The following GULP1 variants were observed in gnomAD, a reference collection of about 807,000 sequenced individuals.
GULP1 encodes the protein GULP PTB domain containing engulfment adaptor 1.
Under a neutral mutation model 40.9 loss-of-function variants are expected in GULP1, and 19 were observed. The observed-to-expected ratio is 0.46, with a 90% confidence interval of 0.32 to 0.68. GULP1 has a LOEUF of 0.68. Ranked by LOEUF, GULP1 falls within the 30% of genes least tolerant of loss-of-function variation. GULP1 has a pLI of 0.03. For synonymous variants in GULP1, 119 were observed against 117.6 expected (o/e 1.01, Z -0.08); for missense variants, 312 against 362.2 (o/e 0.86, Z 1.12).
intron 4 of GULP1, among the ~76,000 whole-genome samples, chr2:188,489,138 T>C (rs2062121265): frequency 6.6e-6 from 1 of 152,046 alleles, no homozygotes; most frequent in African/African-American, 2.4e-5. Flanking sequence ...AAATGACATC[T>C]ATTAGTGTGT....
chr2:188,591,009 T>G (rs1169766434), intron 11 of GULP1: 4 of 151,916 alleles, frequency 2.6e-5, no homozygotes, highest in Non-Finnish European at 5.9e-5. Context: ...AAAAGAAAAA[T>G]ACGGACATAT....
intron 4 of GULP1, among the ~76,000 whole-genome samples, chr2:188,496,547 G>T (rs913018779): frequency 6.6e-6 from 1 of 151,884 alleles, no homozygotes. Context: ...GAAGAAACAT[G>T]TCAATAAAAA....
chr2:188,352,811 T>A (rs1057086166), intron 1 of GULP1, among the ~76,000 whole-genome samples: 1 of 152,136 alleles, frequency 6.6e-6, no homozygotes, highest in Admixed American at 6.5e-5. Flanking sequence ...AGTATATAAA[T>A]GCCAAAATTC....
chr2:188,508,838 A>G (rs1213225664), intron 4 of GULP1, among the ~76,000 whole-genome samples: 1 of 152,032 alleles, frequency 6.6e-6, no homozygotes, highest in Non-Finnish European at 1.5e-5. Context: ...TTTGGAAGCA[A>G]ATATTTATTG....
At chr2:188,312,395 G>A (rs2038322838) in intron 1 of GULP1, among the ~76,000 whole-genome samples, 1 of 152,022 alleles carries the variant, frequency 6.6e-6, no homozygotes, top group African/African-American at 2.4e-5. Context: ...AGAACATGTG[G>A]TATTTGGTTT....
chr2:188,429,854 G>C (rs1559231631), intron 2 of GULP1, among the ~76,000 whole-genome samples: 5 of 151,662 alleles, frequency 3.3e-5, no homozygotes, highest in African/African-American at 9.8e-5. Flanking sequence ...GGGACTACGG[G>C]CACCTGCCAC....
At chr2:188,411,700 T>C (rs1256374593) in intron 2 of GULP1, among the ~76,000 whole-genome samples, 2 of 152,216 alleles carry the variant, frequency 1.3e-5, no homozygotes, top group African/African-American at 4.8e-5. Flanking sequence ...CAATCATGTT[T>C]CTTGCAAGTT....
chr2:188,571,751 G>A (rs72896898), intron 9 of GULP1, among the ~76,000 whole-genome samples: 1,802 of 152,250 alleles, frequency 0.012, 14 homozygotes, highest in Non-Finnish European at 0.019. Flanking sequence ...GCCATGTTGC[G>A]AAATATGCTA....
intron 4 of GULP1, among the ~76,000 whole-genome samples, chr2:188,493,707 T>C (rs1400239293): frequency 1.3e-5 from 2 of 152,032 alleles, no homozygotes; most frequent in Non-Finnish European, 2.9e-5. Context: ...CACTAAGAAC[T>C]GTTGGTTTCC....
intron 2 of GULP1, among the ~76,000 whole-genome samples, chr2:188,446,478 G>A (rs886540975): frequency 6.6e-6 from 1 of 152,258 alleles, no homozygotes; most frequent in African/African-American, 2.4e-5. Flanking sequence ...CTACTCTTAG[G>A]TGGCGGCATA....
chr2:188,391,148 A>T (rs1011695378), intron 2 of GULP1, among the ~76,000 whole-genome samples: 2 of 151,814 alleles, frequency 1.3e-5, no homozygotes, highest in Non-Finnish European at 2.9e-5. Flanking sequence ...TGTGAAAATG[A>T]TGTTGCTATT....
intron 7 of GULP1, among the ~76,000 whole-genome samples, chr2:188,544,987 A>G (rs796893928): frequency 1.3e-5 from 2 of 152,188 alleles, no homozygotes; most frequent in African/African-American, 4.8e-5. Context: ...TGAAAGCAGC[A>G]TGAGATAAGC....
Position 188,291,903 on chromosome 2 carries a change from C to G in GULP1, c.-435C>G, listed in dbSNP as rs10168305. On this transcript the variant is annotated 5_prime_UTR_variant, in exon 1 of 12. Coordinates refer to ENST00000409830, the MANE Select transcript of GULP1 (RefSeq NM_016315.4). ...CCGGCCGGGAGCGACCCGGAGTCCC[C>G]AGCCCCGCGTCCCAGCTGCCGCCAG... 29,864 of 152,156 alleles carry G rather than the reference C, an allele frequency of 0.2. 3,543 individuals carry two copies. The highest frequency in any genetic ancestry group is 0.33 in the African/African-American group (13,605 of 41,390). The allele number at this position is 152,156 out of a possible 1,614,324, so 9.4% of individuals were successfully genotyped here. A position where few individuals can be genotyped will look rare whatever the true frequency, so the allele number is the denominator to read the frequency against.
intron 1 of GULP1, among the ~76,000 whole-genome samples, chr2:188,372,383 C>T (rs913619460): frequency 7.9e-5 from 12 of 152,006 alleles, no homozygotes; most frequent in Admixed American, 7.9e-4. Context: ...TATTACATAA[C>T]CTGTTTCTTA....
chr2:188,376,033 A>G (rs1380650865), intron 1 of GULP1, among the ~76,000 whole-genome samples: 3 of 152,006 alleles, frequency 2.0e-5, no homozygotes, highest in South Asian at 2.1e-4. Flanking sequence ...AGTACTTTCC[A>G]TTTGAGTTTG....
chr2:188,566,413 A>T (rs1211522967), intron 7 of GULP1, among the ~76,000 whole-genome samples: 1 of 152,170 alleles, frequency 6.6e-6, no homozygotes, highest in Admixed American at 6.5e-5. Flanking sequence ...TTTTAAAGTT[A>T]TTAATATAAA....
chr2:188,522,873 A>T, intron 5 of GULP1, 46 bp downstream of exon 5: 1 of 1,184,188 alleles, frequency 8.4e-7, no homozygotes, highest in Admixed American at 1.7e-5. Context: ...TGACTCTGTC[A>T]TGTTTTCAGC....
chr2:188,446,773 G>T (rs1047761673), intron 2 of GULP1, among the ~76,000 whole-genome samples: 1 of 152,186 alleles, frequency 6.6e-6, no homozygotes, highest in South Asian at 2.1e-4. Flanking sequence ...GATGAAGTAT[G>T]CTTTGACTTA....
chr2:188,559,196 C>T (rs985063691), intron 7 of GULP1, among the ~76,000 whole-genome samples: 2 of 152,154 alleles, frequency 1.3e-5, no homozygotes, highest in Admixed American at 6.5e-5. Flanking sequence ...GGCCCAGGGT[C>T]CCTGTGCTGT....
Sources: gnomAD v4.1 joint callset for allele counts (sites outside exome capture counted in the v4.1 genomes callset) on GRCh38, gnomAD v4.1.1 for gene constraint, MANE v1.5 for transcripts, NCBI Gene and HGNC (gene_info 2026-07-23, HGNC 2026-07-21) for gene names.